Variants in EXD3 observed in about 807,000 individuals in gnomAD.
EXD3 encodes the protein exonuclease mut-7 homolog.
EXD3 carries 92 observed loss-of-function variants against 98.0 expected under a neutral mutation model. That is an observed-to-expected ratio of 0.94 (90% CI 0.79 to 1.12). EXD3 has a LOEUF of 1.12. Among genes scored for constraint, EXD3 ranks in the 50% most tolerant of loss-of-function variants. EXD3 has a pLI of 0.00. For synonymous variants in EXD3, 569 were observed against 526.0 expected, an observed-to-expected ratio of 1.08 and a Z score of -1.12; for missense variants, 1,222 against 1,191.6, an observed-to-expected ratio of 1.03 and a Z score of -0.38.
chr9:137,399,377 G>A (rs539501543), intron 1 of EXD3, among the ~76,000 whole-genome samples: 78 of 152,294 alleles, frequency 5.1e-4, no homozygotes, highest in African/African-American at 1.5e-3. Context: ...CTGTCCTCAG[G>A]AACTCCTGCT....
intron 17 of EXD3, among the ~76,000 whole-genome samples, chr9:137,325,186 C>T (rs1297711422): frequency 6.6e-6 from 1 of 152,196 alleles, no homozygotes; most frequent in Non-Finnish European, 1.5e-5. Context: ...ACATTTTACA[C>T]TAAAAGGAGC....
chr9:137,404,302 G>A (rs549878655), intron 1 of EXD3, among the ~76,000 whole-genome samples: 15 of 152,246 alleles, frequency 9.9e-5, no homozygotes, highest in African/African-American at 2.2e-4. Context: ...GGCTCCCCAC[G>A]CCAGCTCTTG....
chr9:137,309,629 G>A lies in EXD3; in HGVS notation c.2256C>T (p.His752=), dbSNP rs1216214775. The change falls in exon 20 of 22, where the codon CAC becomes CAT. Residue 752 remains histidine (H), a synonymous_variant. Coordinates refer to ENST00000340951, the MANE Select transcript of EXD3 (RefSeq NM_017820.5). The part of the protein sequence containing the change: ...MMKQLMWLSS[H]QEGPRSSGDE... ...CACCTGAGCTCCTGGGCCCCTCCTG[G>A]TGACTGCTGAGCCACATGAGCTGCT... 6.4e-7 allele frequency: 1 copy of A among 1,562,192 alleles called. No homozygotes were observed. The highest frequency in any genetic ancestry group is 8.7e-7 in the Non-Finnish European group (1 of 1,153,260).
chr9:137,354,782 A>C lies in EXD3; in HGVS notation c.758-9T>G. Reference sequence around the variant, plus strand: ...CGCGTTGGGACACAGCGCTGAAAGGAAAGGCCAGCTCAGCACTGAGGGCTC... The same window carrying C: ...CGCGTTGGGACACAGCGCTGAAAGGCAAGGCCAGCTCAGCACTGAGGGCTC... On this transcript the variant is annotated splice_polypyrimidine_tract_variant and intron_variant, in intron 8 of 21. Transcript: ENST00000340951. 1 of 1,608,126 alleles carries C rather than the reference A, an allele frequency of 6.2e-7. No individual in the cohort carries two copies. Among genetic ancestry groups the C allele is most frequent in the Non-Finnish European group, 8.5e-7 (1 of 1,179,038 alleles).
intron 6 of EXD3, among the ~76,000 whole-genome samples, chr9:137,367,069 C>T (rs963907573): frequency 6.6e-6 from 1 of 152,244 alleles, no homozygotes; most frequent in African/African-American, 2.4e-5. Context: ...TGGCGCTGGG[C>T]CTTGGGGCAC....
chr9:137,326,298 C>T (rs909928406), intron 17 of EXD3, among the ~76,000 whole-genome samples: 2 of 152,068 alleles, frequency 1.3e-5, no homozygotes, highest in East Asian at 1.9e-4. Context: ...ACGTATCTGA[C>T]GAGGGGTTGA....
chr9:137,363,939 G>C (rs974056234), intron 7 of EXD3, among the ~76,000 whole-genome samples: 2 of 152,008 alleles, frequency 1.3e-5, no homozygotes, highest in African/African-American at 4.8e-5. Context: ...CATTCCTGAT[G>C]TTCATCACTT....
intron 17 of EXD3, among the ~76,000 whole-genome samples, chr9:137,342,564 G>T (rs7852496): frequency 0.95 from 145,011 of 152,244 alleles, 69,129 homozygotes; most frequent in East Asian, 1. Context: ...ATTGATACCC[G>T]CTGCCTGGCA....
rs1000296443 is a variant in EXD3, at chr9:137,403,246, G to A, written c.-47-7842C>T. ...AATGGGTTGGGGGCACCCCAGGAGT[G>A]GGGCCCCACTGTGAGTGACCTGAGG... On this transcript the variant is annotated intron_variant, in intron 1 of 21. Coordinates refer to ENST00000340951, the MANE Select transcript of EXD3 (RefSeq NM_017820.5). This position sits in a 1 kb window ranked among gnomAD's most constrained non-coding sequence, Gnocchi z 6.1. Among the ~76,000 whole-genome samples, 1 of 151,902 alleles carries A rather than the reference G, an allele frequency of 6.6e-6. No individual in the cohort carries two copies.
chr9:137,342,223 C>T (rs1247828300), intron 17 of EXD3, among the ~76,000 whole-genome samples: 1 of 24,198 alleles, frequency 4.1e-5, no homozygotes, highest in Non-Finnish European at 7.9e-5. Context: ...TCAGAGGAAA[C>T]GGGGCTCAGG....
chr9:137,328,636 A>G (rs142870848), intron 17 of EXD3, among the ~76,000 whole-genome samples: 2,138 of 80,338 alleles, frequency 0.027, 46 homozygotes, highest in African/African-American at 0.061. Flanking sequence ...ACGGGACTAC[A>G]CGGGGCTACA....
intron 17 of EXD3, among the ~76,000 whole-genome samples, chr9:137,325,350 G>A (rs1832336701): frequency 6.6e-6 from 1 of 152,182 alleles, no homozygotes; most frequent in Non-Finnish European, 1.5e-5. Context: ...CCACAGGGGG[G>A]CAACATGCCA....
intron 12 of EXD3, 133 bp from the exon 13 acceptor site, chr9:137,351,661 G>T: frequency 1.2e-6 from 1 of 823,340 alleles, no homozygotes; most frequent in South Asian, 1.8e-5. Flanking sequence ...ATGTTTATAG[G>T]GCTGGGGCTG....
intron 1 of EXD3, among the ~76,000 whole-genome samples, chr9:137,421,645 T>G (rs539388921): frequency 6.6e-6 from 1 of 152,330 alleles, no homozygotes; most frequent in African/African-American, 2.4e-5. Context: ...GAGACTAGCC[T>G]GGGCAAGGTG....
chr9:137,419,468 G>A (rs1195246558), intron 1 of EXD3, among the ~76,000 whole-genome samples: 3 of 151,994 alleles, frequency 2.0e-5, no homozygotes, highest in Admixed American at 6.6e-5. Flanking sequence ...TCAGGAGTTC[G>A]AAACCAGCCA....
intron 4 of EXD3, 24 bp from the exon 5 acceptor site, chr9:137,373,096 T>C (rs772900676): frequency 6.5e-7 from 1 of 1,536,982 alleles, no homozygotes; most frequent in Non-Finnish European, 8.7e-7. Context: ...GACCCAGACT[T>C]ACTGGACGCA....
chr9:137,399,759 C>T (rs1006264311), intron 1 of EXD3, among the ~76,000 whole-genome samples: 18 of 152,242 alleles, frequency 1.2e-4, no homozygotes, highest in Middle Eastern at 3.4e-3. Context: ...AAATGAGAGC[C>T]GGGTACAGTG....
intron 20 of EXD3, among the ~76,000 whole-genome samples, chr9:137,308,796 C>T (rs375883921): frequency 6.6e-6 from 1 of 151,976 alleles, no homozygotes; most frequent in African/African-American, 2.4e-5. Flanking sequence ...GCCACCACAC[C>T]CGGCTAATTT....
At position 137,355,391 on chromosome 9, in the gene EXD3, G is replaced by T; in HGVS notation, c.758-618C>A. Among the ~76,000 whole-genome samples the T allele has an allele frequency of 1.3e-5, 2 of 149,768 alleles. 1 individual carries two copies. Among genetic ancestry groups the T allele is most frequent in the African/African-American group, 4.9e-5 (2 of 40,628 alleles). Reference sequence around the variant, plus strand: ...GCCCAGAGCGCAGCCACGGGGAGCCGGGCGACCATCTGCCCTGAGGCAGGG... The same window carrying T: ...GCCCAGAGCGCAGCCACGGGGAGCCTGGCGACCATCTGCCCTGAGGCAGGG... On this transcript the variant is annotated intron_variant, in intron 8 of 21. Coordinates refer to ENST00000340951, the MANE Select transcript of EXD3 (RefSeq NM_017820.5).
Sources: allele counts gnomAD v4.1 joint callset (sites outside exome capture counted in the v4.1 genomes callset), GRCh38; gene constraint gnomAD v4.1.1; non-coding constraint Gnocchi (gnomAD v3.1); transcripts MANE v1.5; gene names NCBI Gene and HGNC (gene_info 2026-07-23, HGNC 2026-07-21).